ARSG: variants seen among roughly 807,000 people sequenced by gnomAD.
ARSG encodes the protein ASG.
A neutral mutation model predicts 50.5 loss-of-function variants in ARSG; 37 were observed. That is an observed-to-expected ratio of 0.73 (90% CI 0.56 to 0.96). The LOEUF is 0.96. Ranked by LOEUF, ARSG falls within the 50% of genes least tolerant of loss-of-function variation. The pLI is 0.00. For missense variants in ARSG, 629 were observed against 675.3 expected (o/e 0.93, Z 0.76); for synonymous variants, 225 against 254.6 (o/e 0.88, Z 1.11).
chr17:68,398,306 C>T (rs573738623), intron 10 of ARSG, among the ~76,000 whole-genome samples: 23 of 152,268 alleles, frequency 1.5e-4, no homozygotes, highest in African/African-American at 5.5e-4. Context: ...TGCATGCACA[C>T]ACATACATGT....
intron 2 of ARSG, among the ~76,000 whole-genome samples, chr17:68,337,207 T>G (rs1475175201): frequency 6.6e-6 from 1 of 152,036 alleles, no homozygotes; most frequent in Non-Finnish European, 1.5e-5. Flanking sequence ...CCCTGGATTA[T>G]TGCGTTTAAG....
Position 68,367,854 on chromosome 17 carries a change from C to T in ARSG, c.705-694C>T, listed in dbSNP as rs1370782973. Among the ~76,000 whole-genome samples the T allele has an allele frequency of 1.3e-5, 2 of 152,062 alleles. No homozygotes were observed. Among genetic ancestry groups the T allele is most frequent in the African/African-American group, 2.4e-5 (1 of 41,416 alleles). ...GGGAGGCCGAGGAGGGCAGCTCACC[C>T]GAGGTCAGGAGTTTGAGGCCAACCT... On this transcript the variant is annotated intron_variant, in intron 6 of 11. Coordinates refer to ENST00000621439, the MANE Select transcript of ARSG (RefSeq NM_001267727.2). The surrounding 1 kb of genome is among the most constrained non-coding windows in gnomAD (Gnocchi z 4.5).
intron 2 of ARSG, among the ~76,000 whole-genome samples, chr17:68,328,179 C>A (rs193030189): frequency 3.9e-4 from 60 of 152,292 alleles, no homozygotes; most frequent in Admixed American, 3.6e-3. Flanking sequence ...TCACATCCCG[C>A]TCACTTATTG....
chr17:68,289,653 T>C (rs782521388), upstream of ARSG, among the ~76,000 whole-genome samples: 5 of 152,188 alleles, frequency 3.3e-5, no homozygotes, highest in Non-Finnish European at 5.9e-5. Flanking sequence ...TTAAAAAAAA[T>C]TTCCAAACCT....
At chr17:68,300,381 T>G (rs574621421) in intron 1 of ARSG, among the ~76,000 whole-genome samples, 1 of 152,222 alleles carries the variant, frequency 6.6e-6, no homozygotes, top group East Asian at 1.9e-4. Flanking sequence ...TTCTCAACTT[T>G]TGTGTGTTTG....
intron 5 of ARSG, among the ~76,000 whole-genome samples, chr17:68,356,272 C>T (rs1480900638): frequency 1.3e-5 from 2 of 152,168 alleles, no homozygotes; most frequent in Non-Finnish European, 2.9e-5. Context: ...ACGCCATACA[C>T]AGAGGCTGGG....
chr17:68,340,955 CT>C (rs748427872), intron 2 of ARSG, among the ~76,000 whole-genome samples: 5 of 151,862 alleles, frequency 3.3e-5, no homozygotes, highest in African/African-American at 4.8e-5. Context: ...ATATCTTTAC[CT>C]TTTACCCTGG....
At chr17:68,380,847 G>A (rs2080398580) in intron 8 of ARSG, among the ~76,000 whole-genome samples, 1 of 152,106 alleles carries the variant, frequency 6.6e-6, no homozygotes, top group South Asian at 2.1e-4. Context: ...TTGAGACTGA[G>A]GGAGGTTATG....
At chr17:68,279,474 A>C (rs997729171) in intron 1 of ARSG, among the ~76,000 whole-genome samples, 3 of 152,142 alleles carry the variant, frequency 2.0e-5, no homozygotes, top group Admixed American at 2.0e-4. Context: ...AATTTCCTCA[A>C]AGTTGACCAC....
At chr17:68,434,456 G>C in the ARSG span, 2 of 1,226,942 alleles carry the variant, frequency 1.6e-6, no homozygotes, top group Non-Finnish European at 2.3e-6. Context: ...GGTGAGTGGA[G>C]GGCACAGAGC....
At chr17:68,354,238 C>T (rs2078933741) in intron 5 of ARSG, among the ~76,000 whole-genome samples, 1 of 149,382 alleles carries the variant, frequency 6.7e-6, no homozygotes, top group Non-Finnish European at 1.5e-5. Flanking sequence ...TTGGTCAACA[C>T]AACAAAACCC....
chr17:68,372,972 G>T (rs1340041927), intron 8 of ARSG, among the ~76,000 whole-genome samples: 1 of 135,302 alleles, frequency 7.4e-6, no homozygotes, highest in Non-Finnish European at 1.5e-5. Context: ...GCTCACTGCA[G>T]CCTCCACTTC....
Position 68,367,357 on chromosome 17 carries a change from G to C in ARSG, c.705-1191G>C, listed in dbSNP as rs115643327. 4.4e-3 allele frequency among the ~76,000 whole-genome samples: 666 copies of C among 152,256 alleles called. 6 individuals are homozygous for C. Among genetic ancestry groups the C allele is most frequent in the African/African-American group, 0.015 (629 of 41,566 alleles). ...CAAGGCTGTAAGGTGGTGTAAACCA[G>C]GGTGAGCTAAGGAGAACCCTGGGGC... On this transcript the variant is annotated intron_variant, in intron 6 of 11. Transcript: ENST00000621439. This position sits in a 1 kb window ranked among gnomAD's most constrained non-coding sequence, Gnocchi z 4.5.
intron 6 of ARSG, among the ~76,000 whole-genome samples, chr17:68,363,563 G>A (rs1410527986): frequency 6.6e-6 from 1 of 152,130 alleles, no homozygotes; most frequent in Non-Finnish European, 1.5e-5. Context: ...TGCCTCCCAG[G>A]TTCAAGCAAT....
intron 1 of ARSG, among the ~76,000 whole-genome samples, chr17:68,285,879 C>T (rs1294105217): frequency 2.0e-5 from 3 of 152,022 alleles, no homozygotes; most frequent in Non-Finnish European, 2.9e-5. Context: ...TTTGCGTCAG[C>T]CTCCCAAGTA....
At chr17:68,365,489 C>A (rs2079504846) in intron 6 of ARSG, among the ~76,000 whole-genome samples, 1 of 152,186 alleles carries the variant, frequency 6.6e-6, no homozygotes, top group South Asian at 2.1e-4. Flanking sequence ...ATGCAGGATT[C>A]TCAAGCCTGT....
the ARSG span, chr17:68,434,701 T>A: frequency 5.3e-6 from 8 of 1,500,946 alleles, no homozygotes; most frequent in South Asian, 9.5e-5. Context: ...GAGAGGAGTT[T>A]GTTTTATTGG....
chr17:68,265,456 T>C (rs570690296), intron 1 of ARSG, among the ~76,000 whole-genome samples: 1 of 152,344 alleles, frequency 6.6e-6, no homozygotes, highest in South Asian at 2.1e-4. Flanking sequence ...GTTGTGCCAC[T>C]GCACTCCAGT....
At chr17:68,448,847 C>T in the ARSG span, among the ~76,000 whole-genome samples, 1 of 152,196 alleles carries the variant, frequency 6.6e-6, no homozygotes, top group African/African-American at 2.4e-5. Context: ...CATCTAAAAG[C>T]CTTCAATCAG....
Sources: gnomAD v4.1 joint callset for allele counts (sites outside exome capture counted in the v4.1 genomes callset) on GRCh38, gnomAD v4.1.1 for gene constraint, Gnocchi (gnomAD v3.1) non-coding constraint, MANE v1.5 for transcripts, NCBI Gene and HGNC (gene_info 2026-07-23, HGNC 2026-07-21) for gene names.